The following PDILT variants were observed in gnomAD, a reference collection of about 807,000 sequenced individuals.
PDILT encodes protein disulfide isomerase like, testis expressed.
Under a neutral mutation model 53.7 loss-of-function variants are expected in PDILT, and 43 were observed. The ratio of observed to expected loss-of-function variants is 0.80; its 90% CI spans 0.63 to 1.03. PDILT has a LOEUF of 1.03. Among genes scored for constraint, PDILT ranks in the 50% least tolerant of loss-of-function variants. PDILT has a pLI of 0.00. For synonymous variants in PDILT, 282 were observed against 274.2 expected (o/e 1.03, Z -0.28); for missense variants, 727 against 712.3 (o/e 1.02, Z -0.24).
chr16:20,389,172 C>T (rs1171769895), intron 2 of PDILT, among the ~76,000 whole-genome samples: 2 of 152,082 alleles, frequency 1.3e-5, no homozygotes, highest in Non-Finnish European at 2.9e-5. Context: ...CAGGCCCTAG[C>T]TCATTGTCTG....
At chr16:20,364,345 A>G (rs4369676) in intron 9 of PDILT, among the ~76,000 whole-genome samples, 86,414 of 152,062 alleles carry the variant, frequency 0.57, 25,345 homozygotes, top group Middle Eastern at 0.62. Flanking sequence ...GTGATTGTAA[A>G]AGGCCTGCAT....
chr16:20,378,537 T>C (rs1445669134), intron 3 of PDILT, among the ~76,000 whole-genome samples: 42 of 152,190 alleles, frequency 2.8e-4, no homozygotes, highest in Admixed American at 2.7e-3. Context: ...TGCTTTGCTG[T>C]ACCTATCAAC....
chr16:20,381,634 C>CAAAAAAAA (rs1034720000), intron 3 of PDILT, among the ~76,000 whole-genome samples: 1 of 58,592 alleles, frequency 1.7e-5, no homozygotes, highest in Non-Finnish European at 3.8e-5. Context: ...GACTCCATCT[C>CAAAAAAAA]AAAAAAAAAA....
chr16:20,387,767 T>A (rs2141613890), intron 2 of PDILT, among the ~76,000 whole-genome samples: 1 of 152,144 alleles, frequency 6.6e-6, no homozygotes. Context: ...ATTACAGGCA[T>A]GCACCACCAG....
At chr16:20,365,619 C>G in intron 8 of PDILT, 79 bp from the exon 9 acceptor site, 1 of 1,520,472 alleles carries the variant, frequency 6.6e-7, no homozygotes, top group Non-Finnish European at 9.0e-7. Flanking sequence ...TGATTGGAAA[C>G]CACTAAAGGT....
At chr16:20,365,309 G>T in intron 9 of PDILT, 111 bp downstream of exon 9, 2 of 1,217,564 alleles carry the variant, frequency 1.6e-6, no homozygotes, top group Non-Finnish European at 2.4e-6. Context: ...ACCATCCTTG[G>T]CATGGTGCAT....
In PDILT at chr16:20,397,531, T is replaced by C. The variant is rs111384513; in HGVS notation, c.202+1568A>G. Reference sequence around the variant, plus strand: ...CACCAGCCCAAGGCCACCAGTCCAGTAAGTGGCAGAACTCAGCCTTTGAAC... The same window carrying C: ...CACCAGCCCAAGGCCACCAGTCCAGCAAGTGGCAGAACTCAGCCTTTGAAC... On this transcript the variant is annotated intron_variant, in intron 2 of 11. Transcript: ENST00000302451. Among the ~76,000 whole-genome samples the C allele has an allele frequency of 6.6e-3, 1,000 of 152,246 alleles. 12 individuals carry two copies. Among genetic ancestry groups the C allele is most frequent in the African/African-American group, 0.022 (913 of 41,538 alleles).
intron 1 of PDILT, among the ~76,000 whole-genome samples, chr16:20,400,721 T>C (rs371834029): frequency 6.6e-6 from 1 of 152,208 alleles, no homozygotes; most frequent in East Asian, 1.9e-4. Flanking sequence ...TTATTTTATT[T>C]ATATTCTTGA....
intron 2 of PDILT, among the ~76,000 whole-genome samples, chr16:20,387,293 C>T (rs979588803): frequency 5.3e-5 from 8 of 152,092 alleles, no homozygotes; most frequent in African/African-American, 1.7e-4. Flanking sequence ...AGGGAAATTG[C>T]AAGTTTAAGT....
intron 9 of PDILT, among the ~76,000 whole-genome samples, chr16:20,363,455 G>A (rs1455641244): frequency 8.2e-6 from 1 of 122,362 alleles, no homozygotes; most frequent in Non-Finnish European, 1.7e-5. Context: ...AAAAGTGTGT[G>A]TGTGTTTTTG....
chr16:20,369,768 G>A, intron 7 of PDILT, 79 bp from the exon 8 acceptor site: 1 of 1,423,574 alleles, frequency 7.0e-7, no homozygotes, highest in Non-Finnish European at 9.9e-7. Flanking sequence ...GTGGACTAAG[G>A]GGATGCACAT....
chr16:20,398,994 G>T (rs1966695389), intron 2 of PDILT, 105 bp downstream of exon 2: 6 of 1,122,072 alleles, frequency 5.3e-6, no homozygotes, highest in Non-Finnish European at 6.5e-6. Context: ...TAAATAATAT[G>T]TGTTCTTATG....
At chr16:20,369,364 A>G (rs1010517142) in intron 8 of PDILT, 128 bp downstream of exon 8, 4 of 1,088,142 alleles carry the variant, frequency 3.7e-6, no homozygotes, top group Non-Finnish European at 5.5e-6. Flanking sequence ...ATTTCCCCAC[A>G]TTGAGCCACA....
intron 8 of PDILT, among the ~76,000 whole-genome samples, chr16:20,367,823 G>A (rs1418267976): frequency 6.6e-6 from 1 of 152,138 alleles, no homozygotes; most frequent in East Asian, 1.9e-4. Context: ...GAGTCCATGG[G>A]AGCCTGGTTT....
rs1037738145 is a variant in PDILT, at chr16:20,376,606, G to A, written c.410-405C>T. 2.0e-5 allele frequency among the ~76,000 whole-genome samples: 3 copies of A among 152,260 alleles called. No homozygotes were observed. In the South Asian group the frequency reaches 6.2e-4, roughly 32 times the overall value. On this transcript the variant is annotated intron_variant, in intron 3 of 11. Coordinates refer to ENST00000302451, the MANE Select transcript of PDILT (RefSeq NM_174924.2). ...ACTTCTTTTCTTATGAACTCTCCAA[G>A]GTGACAGGAAGATTGATTTATATTT...
chr16:20,360,462 A>G (rs1482811203), intron 11 of PDILT, 106 bp downstream of exon 11: 1 of 1,062,570 alleles, frequency 9.4e-7, no homozygotes, highest in Admixed American at 1.7e-5. Context: ...ATCCTCAACC[A>G]TCTCCCAAGA....
chr16:20,388,387 A>G (rs1316581446), intron 2 of PDILT, among the ~76,000 whole-genome samples: 1 of 152,214 alleles, frequency 6.6e-6, no homozygotes, highest in Non-Finnish European at 1.5e-5. Flanking sequence ...TACAGCTAGT[A>G]TGCAGTTAGG....
chr16:20,376,205 G>A lies in PDILT; in HGVS notation c.410-4C>T, dbSNP rs1189585291. ...AAGGCAGCAGATTCAACCACTCCTGGAGAAAGACACAGTCAAATAGATACC... is the reference window on the plus strand; with the variant it reads ...AAGGCAGCAGATTCAACCACTCCTGAAGAAAGACACAGTCAAATAGATACC... On this transcript the variant is annotated splice_region_variant and splice_polypyrimidine_tract_variant and intron_variant, in intron 3 of 11. Coordinates refer to ENST00000302451, the MANE Select transcript of PDILT (RefSeq NM_174924.2). 1.2e-6 allele frequency: 2 copies of A among 1,613,896 alleles called. No homozygotes were observed. Among genetic ancestry groups the A allele is most frequent in the African/African-American group, 1.3e-5 (1 of 74,914 alleles).
chr16:20,372,929 T>G lies in PDILT; in HGVS notation c.793-2A>C, dbSNP rs1240478906. On this transcript the variant is annotated splice_acceptor_variant, in intron 6 of 11. Coordinates refer to ENST00000302451, the MANE Select transcript of PDILT (RefSeq NM_174924.2). LOFTEE classifies it high-confidence loss of function. The stretch of plus-strand genomic sequence containing the variant: ...CAACTCGGAAATCAGATCCTTATTC[T>G]GAAATGACCAGGAAAATATGTCATC... 1.2e-6 allele frequency: 2 copies of G among 1,614,058 alleles called. No homozygotes were observed. Among genetic ancestry groups the G allele is most frequent in the South Asian group, 2.2e-5 (2 of 91,070 alleles).
Sources: gnomAD v4.1 joint callset for allele counts (sites outside exome capture counted in the v4.1 genomes callset) on GRCh38, gnomAD v4.1.1 for gene constraint, MANE v1.5 for transcripts, NCBI Gene and HGNC (gene_info 2026-07-23, HGNC 2026-07-21) for gene names.